Variants in PDE7B observed in about 807,000 individuals in gnomAD.
The protein encoded by PDE7B is phosphodiesterase 7B.
A neutral mutation model predicts 56.2 loss-of-function variants in PDE7B; 29 were observed. That is an observed-to-expected ratio of 0.52 (90% CI 0.38 to 0.70). The LOEUF is 0.70. Ranked by LOEUF, PDE7B falls within the 30% of genes least tolerant of loss-of-function variation. The pLI is 0.00. For synonymous variants in PDE7B, 197 were observed against 196.9 expected, an observed-to-expected ratio of 1.00 and a Z score of 0.00; for missense variants, 490 against 565.0, an observed-to-expected ratio of 0.87 and a Z score of 1.35.
intron 2 of PDE7B, among the ~76,000 whole-genome samples, chr6:135,979,306 A>G (rs138962486): frequency 0.031 from 4,660 of 151,760 alleles, 284 homozygotes; most frequent in African/African-American, 0.1. Context: ...TTTTTGCATC[A>G]ATGTTCATCA....
chr6:136,054,743 T>C (rs1776699053), intron 2 of PDE7B, among the ~76,000 whole-genome samples: 1 of 152,206 alleles, frequency 6.6e-6, no homozygotes, highest in Non-Finnish European at 1.5e-5. Flanking sequence ...AGCAGTGGTT[T>C]GTAGTTCTCC....
intron 2 of PDE7B, among the ~76,000 whole-genome samples, chr6:136,027,513 T>G (rs547409625): frequency 6.6e-6 from 1 of 152,312 alleles, no homozygotes; most frequent in African/African-American, 2.4e-5. Context: ...AATTCTATAC[T>G]ATATAATTTC....
chr6:135,912,722 G>C (rs1375122284), intron 1 of PDE7B, among the ~76,000 whole-genome samples: 1 of 152,102 alleles, frequency 6.6e-6, no homozygotes, highest in African/African-American at 2.4e-5. Flanking sequence ...AGTGACAGTT[G>C]GGCTATTAGT....
intron 2 of PDE7B, among the ~76,000 whole-genome samples, chr6:136,013,986 G>A (rs1775934019): frequency 6.6e-6 from 1 of 152,134 alleles, no homozygotes; most frequent in African/African-American, 2.4e-5. Context: ...TGTAAACTAA[G>A]TTCAAACCCA....
intron 8 of PDE7B, among the ~76,000 whole-genome samples, chr6:136,172,868 C>A (rs1263707737): frequency 2.6e-5 from 4 of 152,114 alleles, no homozygotes; most frequent in African/African-American, 9.7e-5. Flanking sequence ...AACAGACAAA[C>A]AGAGAGCCAA....
chr6:135,892,472 TA>T (rs1775826145), intron 1 of PDE7B, among the ~76,000 whole-genome samples: 1 of 152,222 alleles, frequency 6.6e-6, no homozygotes, highest in South Asian at 2.1e-4. Flanking sequence ...TAAGGTCCTA[TA>T]ATCTGAGTTC....
intron 1 of PDE7B, among the ~76,000 whole-genome samples, chr6:135,930,860 A>G (rs11962226): frequency 6.6e-6 from 1 of 152,106 alleles, no homozygotes. Context: ...TTGGAGTTCT[A>G]TGTGTCATTG....
chr6:136,072,926 T>C (rs1777073061), intron 2 of PDE7B: 1 of 152,238 alleles, frequency 6.6e-6, no homozygotes, highest in Admixed American at 6.5e-5. Flanking sequence ...AAGCTAGCCA[T>C]GTGGTTTTTC....
At chr6:135,947,550 T>C (rs1205741852) in intron 2 of PDE7B, 26 bp downstream of exon 2, 3 of 1,536,604 alleles carry the variant, frequency 2.0e-6, no homozygotes, top group Admixed American at 3.3e-5. Context: ...ATTTTAAATA[T>C]ATTAAGCATG....
intron 1 of PDE7B, among the ~76,000 whole-genome samples, chr6:135,860,800 ATGT>A (rs955735579): frequency 4.6e-5 from 7 of 151,916 alleles, no homozygotes; most frequent in Admixed American, 1.3e-4. Context: ...TTTGTTTACA[ATGT>A]TGTTGGTGCT....
At chr6:136,088,932 A>C (rs1453021586) in intron 2 of PDE7B, among the ~76,000 whole-genome samples, 1 of 152,026 alleles carries the variant, frequency 6.6e-6, no homozygotes, top group Non-Finnish European at 1.5e-5. Flanking sequence ...GGAGCAATAA[A>C]TACTCCAGAA....
intron 2 of PDE7B, among the ~76,000 whole-genome samples, chr6:136,020,435 C>T (rs1211750976): frequency 6.6e-6 from 1 of 152,056 alleles, no homozygotes; most frequent in Non-Finnish European, 1.5e-5. Flanking sequence ...ATATGTTATA[C>T]CACTTAATAC....
chr6:135,981,766 C>CTTT (rs561731987), intron 2 of PDE7B, among the ~76,000 whole-genome samples: 17 of 143,076 alleles, frequency 1.2e-4, no homozygotes, highest in African/African-American at 3.8e-4. Flanking sequence ...ACAATTAACT[C>CTTT]TTTTTTTTTT....
intron 2 of PDE7B, among the ~76,000 whole-genome samples, chr6:136,090,330 C>T (rs1285907370): frequency 6.6e-6 from 1 of 152,142 alleles, no homozygotes; most frequent in Non-Finnish European, 1.5e-5. Flanking sequence ...CAAAGGAACA[C>T]TACAAATGTA....
At chr6:135,978,548 CT>C (rs1240364867) in intron 2 of PDE7B, among the ~76,000 whole-genome samples, 1 of 152,008 alleles carries the variant, frequency 6.6e-6, no homozygotes, top group African/African-American at 2.4e-5. Flanking sequence ...ACTTATTACT[CT>C]TTTATAATTT....
chr6:136,107,206 T>C (rs571453248), intron 2 of PDE7B, among the ~76,000 whole-genome samples: 2 of 152,240 alleles, frequency 1.3e-5, no homozygotes, highest in South Asian at 4.1e-4. Context: ...CCTCCAGGAA[T>C]TAGGAAAGGA....
At chr6:136,116,451 A>G (rs893476303) in intron 3 of PDE7B, among the ~76,000 whole-genome samples, 7 of 152,252 alleles carry the variant, frequency 4.6e-5, no homozygotes, top group Non-Finnish European at 8.8e-5. Flanking sequence ...ACACAGTTTC[A>G]ATGAATCCAA....
chr6:135,961,189 T>C (rs1008213062), intron 2 of PDE7B, among the ~76,000 whole-genome samples: 1 of 151,840 alleles, frequency 6.6e-6, no homozygotes, highest in Non-Finnish European at 1.5e-5. Flanking sequence ...GTGCAAAAAA[T>C]TACACACATT....
chr6:136,168,752 C>A (rs573366295), intron 8 of PDE7B, among the ~76,000 whole-genome samples: 2 of 152,114 alleles, frequency 1.3e-5, no homozygotes, highest in African/African-American at 4.8e-5. Context: ...TCCCCCAAGA[C>A]GACCTAAATC....
Sources: allele counts gnomAD v4.1 joint callset (sites outside exome capture counted in the v4.1 genomes callset), GRCh38; gene constraint gnomAD v4.1.1; transcripts MANE v1.5; gene names NCBI Gene and HGNC (gene_info 2026-07-23, HGNC 2026-07-21).